Variants in RGSL1 observed in about 807,000 individuals in gnomAD.
The protein encoded by RGSL1 is regulator of G protein signaling like 1, also known as regulator of G protein signaling protein-like.
In RGSL1, 97 loss-of-function variants were observed where a neutral mutation model predicts 124.7. The observed-to-expected ratio is 0.78, with a 90% CI of 0.66 to 0.92. The LOEUF is 0.92. Among genes scored for constraint, RGSL1 ranks in the 40% least tolerant of loss-of-function variants. RGSL1 has a pLI of 0.00. For missense variants in RGSL1, 1,233 were observed against 1,288.4 expected (o/e 0.96, Z 0.66); for synonymous variants, 424 against 438.1 (o/e 0.97, Z 0.40).
intron 4 of RGSL1, chr1:182,471,462 A>C: frequency 2.3e-6 from 1 of 428,006 alleles, no homozygotes; most frequent in Non-Finnish European, 4.7e-6. Flanking sequence ...CCCAGTTAAC[A>C]ATTATGTGTG....
chr1:182,558,239 G>A (rs1046223246), intron 21 of RGSL1, among the ~76,000 whole-genome samples: 1 of 152,088 alleles, frequency 6.6e-6, no homozygotes, highest in Non-Finnish European at 1.5e-5. Context: ...CTTGGGTCTA[G>A]TTTGAATAAA....
In RGSL1 at chr1:182,532,732, C is replaced by G. The variant is rs1229277000; in HGVS notation, c.2435C>G (p.Pro812Arg). Residue 812 changes from proline (P) to arginine (R), a missense_variant, in exon 14 of 22, where the codon CCT becomes CGT. Pro to Arg is a moderately radical substitution (Grantham distance 103, BLOSUM62 -2). Transcript: ENST00000294854. ...AAGTACCGCAGATTTATGTTGAATC[C>G]TAGTAAGCGCCAGGAATTTGAAGAC... ...FCKYRRFMLN[P>R]SKRQEFEDYL... 1.9e-6 allele frequency: 3 copies of G among 1,550,826 alleles called. No individual in the cohort carries two copies. In the Admixed American group the frequency reaches 5.9e-5, roughly 30 times the overall value.
At chr1:182,540,910 G>T (rs1032756352) in intron 15 of RGSL1, among the ~76,000 whole-genome samples, 32 of 152,014 alleles carry the variant, frequency 2.1e-4, no homozygotes, top group African/African-American at 6.5e-4. Flanking sequence ...ACAATGGGAG[G>T]TCTGTAAATT....
upstream of RGSL1, among the ~76,000 whole-genome samples, chr1:182,448,694 TG>T (rs1651620140): frequency 6.6e-6 from 1 of 152,202 alleles, no homozygotes; most frequent in African/African-American, 2.4e-5. Context: ...ACCACACATT[TG>T]GGAGACATCT....
chr1:182,509,365 C>T (rs1412636158), intron 9 of RGSL1, among the ~76,000 whole-genome samples: 2 of 32,308 alleles, frequency 6.2e-5, no homozygotes, highest in African/African-American at 8.8e-5. Context: ...GGCAGAGGGG[C>T]TCCTCACTTC....
chr1:182,532,149 T>C (rs1571671583), intron 13 of RGSL1, among the ~76,000 whole-genome samples: 1 of 152,098 alleles, frequency 6.6e-6, no homozygotes, highest in South Asian at 2.1e-4. Context: ...TGGGTACCTA[T>C]AAAAAACAGA....
In RGSL1 at chr1:182,530,779, CCTT is replaced by C; in HGVS notation, c.2244-8_2244-6del. The stretch of plus-strand genomic sequence containing the variant: ...TTGCCCTGTTTGATATTACTGATGT[CCTT>C]CTGACAGGTTTAAAGATTATCAAGA... On this transcript the variant is annotated splice_polypyrimidine_tract_variant and splice_region_variant and intron_variant, in intron 12 of 21. Transcript: ENST00000294854. 1 of 1,525,766 alleles carries C rather than the reference CCTT, an allele frequency of 6.6e-7. No individual in the cohort carries two copies. Among genetic ancestry groups the C allele is most frequent in the African/African-American group, 1.4e-5 (1 of 71,458 alleles). 94.5% of individuals were successfully genotyped at this position (1,525,766 alleles called of 1,614,324 possible). A position where few individuals can be genotyped will look rare whatever the true frequency, so the allele number is the denominator to read the frequency against.
chr1:182,451,256 G>A (rs1250454011), intron 1 of RGSL1, among the ~76,000 whole-genome samples: 1 of 151,932 alleles, frequency 6.6e-6, no homozygotes, highest in Non-Finnish European at 1.5e-5. Flanking sequence ...GAAGAAAGGT[G>A]AAAAAACAAA....
At chr1:182,531,082 G>C (rs1659140771) in intron 13 of RGSL1, among the ~76,000 whole-genome samples, 172 bp downstream of exon 13, 2 of 152,164 alleles carry the variant, frequency 1.3e-5, no homozygotes, top group Non-Finnish European at 2.9e-5. Context: ...AGTCAACTGA[G>C]TAATAGGTAC....
intron 6 of RGSL1, among the ~76,000 whole-genome samples, chr1:182,477,345 T>A (rs1314951784): frequency 6.6e-6 from 1 of 152,184 alleles, no homozygotes; most frequent in Non-Finnish European, 1.5e-5. Context: ...TATGCCTGCT[T>A]AACACCCTGT....
chr1:182,495,704 G>A (rs1321526107), intron 9 of RGSL1, among the ~76,000 whole-genome samples: 6 of 152,138 alleles, frequency 3.9e-5, no homozygotes, highest in Admixed American at 2.6e-4. Context: ...CCAAGATATT[G>A]AGATGGTCCA....
chr1:182,526,933 G>C (rs1309780136), intron 10 of RGSL1, among the ~76,000 whole-genome samples: 1 of 152,114 alleles, frequency 6.6e-6, no homozygotes, highest in Non-Finnish European at 1.5e-5. Flanking sequence ...GTCAAGATGT[G>C]GGTATTTGTA....
At chr1:182,557,120 G>A (rs1268430253) in intron 21 of RGSL1, among the ~76,000 whole-genome samples, 2 of 152,134 alleles carry the variant, frequency 1.3e-5, no homozygotes, top group Non-Finnish European at 2.9e-5. Context: ...GGAAGACTGT[G>A]GGCAGACATG....
chr1:182,496,103 G>A (rs1655891028), intron 9 of RGSL1, among the ~76,000 whole-genome samples: 1 of 152,030 alleles, frequency 6.6e-6, no homozygotes, highest in Admixed American at 6.6e-5. Flanking sequence ...TGGCTTCTGG[G>A]GAGGCCTCAG....
intron 9 of RGSL1, among the ~76,000 whole-genome samples, chr1:182,509,770 A>C (rs1261387807): frequency 4.9e-5 from 5 of 101,352 alleles, no homozygotes; most frequent in Admixed American, 9.8e-5. Context: ...GGGGGGGCTG[A>C]CCCCCCACCT....
At chr1:182,529,796 T>C (rs780975621) in intron 11 of RGSL1, among the ~76,000 whole-genome samples, 1 of 152,140 alleles carries the variant, frequency 6.6e-6, no homozygotes, top group Non-Finnish European at 1.5e-5. Context: ...TATCTTTGAT[T>C]ATTTTCAAGT....
intron 4 of RGSL1, among the ~76,000 whole-genome samples, chr1:182,471,057 G>A (rs1653794461): frequency 6.6e-6 from 1 of 152,180 alleles, no homozygotes; most frequent in Non-Finnish European, 1.5e-5. Context: ...GGGTGTTTAT[G>A]TGAATTGTGT....
rs1251452541 is a variant in RGSL1 at position 182,530,876 on chromosome 1, C to T, written c.2330C>T (p.Ser777Leu). ...GTACAAATTTCGTCTAGGAAGCCCT[C>T]AAAGATAGTGTCAACTTACCTACAG... is the stretch of plus-strand genomic sequence containing the variant. ...SEVQISSRKP[S>L]KIVSTYLQES... Residue 777 changes from serine (S) to leucine (L), a missense_variant, in exon 13 of 22, where the codon TCA becomes TTA. By Grantham distance (145) the Ser-to-Leu change is moderately radical (BLOSUM62 -2). Transcript: ENST00000294854. 6.5e-7 allele frequency: 1 copy of T among 1,549,904 alleles called. No individual in the cohort carries two copies. The highest frequency in any genetic ancestry group is 8.7e-7 in the Non-Finnish European group (1 of 1,146,048).
intron 6 of RGSL1, among the ~76,000 whole-genome samples, chr1:182,478,984 T>C (rs1032792669): frequency 6.6e-6 from 1 of 152,164 alleles, no homozygotes; most frequent in Non-Finnish European, 1.5e-5. Flanking sequence ...GAGAATTCTT[T>C]ACCCAGAAAA....
Sources: allele counts gnomAD v4.1 joint callset (sites outside exome capture counted in the v4.1 genomes callset), GRCh38; gene constraint gnomAD v4.1.1; transcripts MANE v1.5; gene names NCBI Gene and HGNC (gene_info 2026-07-23, HGNC 2026-07-21).